Variants in TMEM266 observed in about 807,000 individuals in gnomAD.
The protein encoded by TMEM266 is transmembrane protein 266, also known as Hv1 related protein 1.
In TMEM266, 33 loss-of-function variants were observed where a neutral mutation model predicts 50.5. The observed-to-expected ratio is 0.65, with a 90% CI of 0.50 to 0.87. The LOEUF (loss-of-function observed/expected upper bound fraction) is 0.87. Ranked by LOEUF, TMEM266 falls within the 40% of genes least tolerant of loss-of-function variation. The probability of loss-of-function intolerance (pLI) is 0.00; values close to 1 mark genes in which losing one functional copy is unlikely to be tolerated. For missense variants in TMEM266, 655 were observed against 695.1 expected (o/e 0.94, Z 0.65); for synonymous variants, 310 against 292.3 (o/e 1.06, Z -0.62).
In TMEM266 at chr15:76,153,524, G is replaced by T. The variant is rs768508758; in HGVS notation, c.228-3080G>T. ...TCAGTTTTAGGGGCCGCAGACAACG[G>T]TAATGGGCATTGGGGAGAATGTGGA... On this transcript the variant is annotated intron_variant, in intron 3 of 10. Transcript: ENST00000388942. This position sits in a 1 kb window ranked among gnomAD's most constrained non-coding sequence, Gnocchi z 4.2. 1.3e-5 allele frequency among the ~76,000 whole-genome samples: 2 copies of T among 152,230 alleles called. No individual in the cohort carries two copies. Among genetic ancestry groups the T allele is most frequent in the Non-Finnish European group, 2.9e-5 (2 of 68,036 alleles).
At chr15:76,089,435 T>C (rs4886760) in intron 1 of TMEM266, among the ~76,000 whole-genome samples, 124,728 of 151,782 alleles carry the variant, frequency 0.82, 51,363 homozygotes, top group Admixed American at 0.87. Flanking sequence ...CCTTGTGATC[T>C]GCCCGCCTCA....
rs142012366 is a variant in TMEM266, at chr15:76,170,214, G to A, written c.513+342G>A. Among the ~76,000 whole-genome samples, 24 of 152,322 alleles carry A rather than the reference G, an allele frequency of 1.6e-4. No individual in the cohort carries two copies. In the East Asian group the frequency reaches 4.2e-3, roughly 27 times the overall value. The stretch of plus-strand genomic sequence containing the variant: ...GAAAGCTGAGCGGGAAACTGTCAAC[G>A]TGCTTCTCAGGCTGGGTTTCCGTTC... On this transcript the variant is annotated intron_variant, in intron 6 of 10. Coordinates refer to ENST00000388942, the MANE Select transcript of TMEM266 (RefSeq NM_152335.3).
rs557290014 is a variant in TMEM266, at chr15:76,204,003, G to A, written c.1284G>A (p.Pro428=). ...CTGAGCCCGGCCCTTCTCCCCCGCC[G>A]CTGCCATCCCAGCAGCAGGTGGAGG... Residue 428 remains proline (P), a synonymous_variant, in exon 11 of 11, where the codon CCG becomes CCA. Coordinates refer to ENST00000388942, the MANE Select transcript of TMEM266 (RefSeq NM_152335.3). 9.3e-6 allele frequency: 15 copies of A among 1,608,452 alleles called. No individual in the cohort carries two copies. The East Asian group carries it at 1.6e-4, about 17-fold the overall frequency.
rs2038805237 is a variant in TMEM266, at chr15:76,204,463, G to A, written c.*148G>A. ...GCCTGCCTCCAGGGAGGCGACGCCA[G>A]GCCAGGAGGCCACAAGCTTCAGACC... is the stretch of plus-strand genomic sequence containing the variant. On this transcript the variant is annotated 3_prime_UTR_variant, in exon 11 of 11. Transcript: ENST00000388942. 1 of 669,924 alleles carries A rather than the reference G, an allele frequency of 1.5e-6. No individual in the cohort carries two copies. The highest frequency in any genetic ancestry group is 2.5e-6 in the Non-Finnish European group (1 of 403,292). The allele number at this position is 669,924 out of a possible 1,614,324, so 41.5% of individuals were successfully genotyped here.
At chr15:76,082,667 C>G (rs2036712742) in intron 1 of TMEM266, among the ~76,000 whole-genome samples, 2 of 152,094 alleles carry the variant, frequency 1.3e-5, no homozygotes, top group Admixed American at 1.3e-4. Flanking sequence ...CCGCCAGGCT[C>G]TTTAAACAAC....
At chr15:76,084,361 G>T (rs2036740107) in intron 1 of TMEM266, among the ~76,000 whole-genome samples, 2 of 152,124 alleles carry the variant, frequency 1.3e-5, no homozygotes, top group African/African-American at 2.4e-5. Context: ...GTAGGCGTTA[G>T]CTCTGCAAAT....
chr15:76,145,206 C>T (rs2037739580), intron 3 of TMEM266, among the ~76,000 whole-genome samples: 1 of 152,186 alleles, frequency 6.6e-6, no homozygotes, highest in Admixed American at 6.5e-5. Context: ...CCCATGGCTT[C>T]TGAGAGCCAT....
At chr15:76,106,648 G>A (rs993988547) in intron 1 of TMEM266, among the ~76,000 whole-genome samples, 2 of 152,036 alleles carry the variant, frequency 1.3e-5, no homozygotes, top group South Asian at 4.1e-4. Flanking sequence ...GACTTGCTAT[G>A]TTCCCCAGGC....
At position 76,092,465 on chromosome 15, in the gene TMEM266, G is replaced by A. The variant is rs545942808; in HGVS notation, c.-97+32449G>A. Among the ~76,000 whole-genome samples, 46 of 151,970 alleles carry A rather than the reference G, an allele frequency of 3.0e-4. 1 individual carries two copies. Among genetic ancestry groups the A allele is most frequent in the Non-Finnish European group, 6.0e-4 (41 of 67,988 alleles). On this transcript the variant is annotated intron_variant, in intron 1 of 10. Transcript: ENST00000388942. ...AGCACTTTGGGAGGCCGAGGCGGGC[G>A]GATCAGCTGAGGTCAGGAGTTTGAG... is the stretch of plus-strand genomic sequence containing the variant.
In TMEM266 at chr15:76,175,510, CA is replaced by C. The variant is rs923205131; in HGVS notation, c.653-47del. The C allele has an allele frequency of 6.0e-6, 9 of 1,496,806 alleles. No homozygotes were observed. The Admixed American group carries it at 7.0e-5, about 12-fold the overall frequency. The allele number at this position is 1,496,806 out of a possible 1,614,324, so 92.7% of individuals were successfully genotyped here. ...ATGCTGGGCCCGCCCTTCCCTAGTC[CA>C]AGCCCTGCCACTGCTGAATTCTTTA... On this transcript the variant is annotated intron_variant, in intron 7 of 10. Transcript: ENST00000388942.
intron 3 of TMEM266, among the ~76,000 whole-genome samples, chr15:76,144,890 C>T (rs1471018622): frequency 3.3e-5 from 5 of 152,190 alleles, no homozygotes; most frequent in African/African-American, 1.2e-4. Flanking sequence ...CAGGGGCCAG[C>T]TCAATGTCTT....
intron 8 of TMEM266, 68 bp from the exon 9 acceptor site, chr15:76,191,898 CCA>C: frequency 7.0e-7 from 1 of 1,418,762 alleles, no homozygotes; most frequent in Non-Finnish European, 9.3e-7. Context: ...AGCAAAGCGC[CCA>C]GAGGTCAGGC....
intron 1 of TMEM266, among the ~76,000 whole-genome samples, chr15:76,073,593 A>T (rs2036567267): frequency 6.6e-6 from 1 of 152,190 alleles, no homozygotes; most frequent in Admixed American, 6.5e-5. Flanking sequence ...AATAATTCAC[A>T]CAGTGAGTTG....
At chr15:76,191,008 G>A (rs1475759488) in intron 8 of TMEM266, among the ~76,000 whole-genome samples, 2 of 152,212 alleles carry the variant, frequency 1.3e-5, no homozygotes, top group Non-Finnish European at 2.9e-5. Flanking sequence ...CTCCTCGTTG[G>A]CCCAGATGTC....
chr15:76,161,428 C>T lies in TMEM266; in HGVS notation c.456+1260C>T, dbSNP rs559596629. Among the ~76,000 whole-genome samples, 13 of 152,028 alleles carry T rather than the reference C, an allele frequency of 8.6e-5. No individual in the cohort carries two copies. Among genetic ancestry groups the T allele is most frequent in the Non-Finnish European group, 1.6e-4 (11 of 67,982 alleles). On this transcript the variant is annotated intron_variant, in intron 5 of 10. Transcript: ENST00000388942. This position sits in a 1 kb window ranked among gnomAD's most constrained non-coding sequence, Gnocchi z 4.1. The stretch of plus-strand genomic sequence containing the variant: ...CGGGAGTCAGGAGTCCCAGCATCCT[C>T]CTGTGTGTCCCCTCTGGCCTAGCTA...
chr15:76,116,713 A>T (rs2037252000), intron 1 of TMEM266, among the ~76,000 whole-genome samples: 2 of 152,048 alleles, frequency 1.3e-5, no homozygotes. Context: ...CTCATTCCAG[A>T]TCCTGTCTCA....
At chr15:76,126,231 G>A (rs2037420740) in intron 1 of TMEM266, among the ~76,000 whole-genome samples, 2 of 151,298 alleles carry the variant, frequency 1.3e-5, no homozygotes, top group African/African-American at 4.9e-5. Flanking sequence ...TCCTTTCAAA[G>A]GAAAGGAAAT....
At chr15:76,074,219 A>T (rs2036574659) in intron 1 of TMEM266, among the ~76,000 whole-genome samples, 1 of 152,142 alleles carries the variant, frequency 6.6e-6, no homozygotes. Context: ...CTGGTTATTC[A>T]TATGCACGTA....
At chr15:76,084,635 G>C (rs1294920237) in intron 1 of TMEM266, among the ~76,000 whole-genome samples, 6 of 150,694 alleles carry the variant, frequency 4.0e-5, no homozygotes, top group Middle Eastern at 6.9e-3. Flanking sequence ...GAGTCTTGCT[G>C]TGTTGCCCAG....
Sources: allele counts gnomAD v4.1 joint callset (sites outside exome capture counted in the v4.1 genomes callset), GRCh38; gene constraint gnomAD v4.1.1; non-coding constraint Gnocchi (gnomAD v3.1); transcripts MANE v1.5; gene names NCBI Gene and HGNC (gene_info 2026-07-23, HGNC 2026-07-21).